Variants in ROS1 observed in about 807,000 individuals in gnomAD.
ROS1 encodes the protein ROS proto-oncogene 1, receptor tyrosine kinase.
In ROS1, 263 loss-of-function variants were observed where a neutral mutation model predicts 273.5. The ratio of observed to expected loss-of-function variants is 0.96; its 90% CI spans 0.87 to 1.06. ROS1 has a LOEUF of 1.06. ROS1 is among the 50% of genes least tolerant of loss of function. The pLI is 0.00. For synonymous variants in ROS1, 1,008 were observed against 954.1 expected, an observed-to-expected ratio of 1.06 and a Z score of -1.04; for missense variants, 2,833 against 2,751.1, an observed-to-expected ratio of 1.03 and a Z score of -0.67.
rs1189390282 is a variant in ROS1 at position 117,333,061 on chromosome 6, T to C, written c.5231-3615A>G. 2.0e-5 allele frequency among the ~76,000 whole-genome samples: 3 copies of C among 150,576 alleles called. No homozygotes were observed. In the East Asian group the frequency reaches 5.9e-4, roughly 29 times the overall value. On this transcript the variant is annotated intron_variant, in intron 32 of 43. Coordinates refer to ENST00000368507, the MANE Select transcript of ROS1 (RefSeq NM_001378902.1). ...AAAAAATCAACACATCCAGGAGCCG[T>C]TTTTTTTAAAAAATAAAATAAATAA...
At chr6:117,321,589 T>C (rs184944301) in intron 35 of ROS1, among the ~76,000 whole-genome samples, 195 bp from the exon 36 acceptor site, 1 of 152,282 alleles carries the variant, frequency 6.6e-6, no homozygotes, top group Admixed American at 6.5e-5. Flanking sequence ...CATATATAAG[T>C]ACACAAATCA....
intron 15 of ROS1, 62 bp from the exon 16 acceptor site, chr6:117,385,923 T>A: frequency 7.5e-7 from 1 of 1,325,816 alleles, no homozygotes; most frequent in Non-Finnish European, 1.1e-6. Context: ...ACATAATGAG[T>A]CAACAAATCA....
intron 43 of ROS1, among the ~76,000 whole-genome samples, chr6:117,294,339 G>T (rs1308320941): frequency 1.3e-5 from 2 of 152,102 alleles, no homozygotes; most frequent in East Asian, 1.9e-4. Flanking sequence ...AAATAAAAAG[G>T]CATCTCATAA....
At chr6:117,415,146 C>T (rs527770921) in intron 3 of ROS1, among the ~76,000 whole-genome samples, 6 of 152,328 alleles carry the variant, frequency 3.9e-5, no homozygotes, top group African/African-American at 1.2e-4. Flanking sequence ...CACAACTAGA[C>T]AAATTATTTG....
At chr6:117,329,517 C>T (rs2128593886) in intron 32 of ROS1, 71 bp from the exon 33 acceptor site, 3 of 770,630 alleles carry the variant, frequency 3.9e-6, no homozygotes, top group Non-Finnish European at 6.6e-6. Flanking sequence ...AATCTTTCTA[C>T]AGAATATATT....
chr6:117,342,547 G>A lies in ROS1; in HGVS notation c.4507-3C>T, dbSNP rs1460680820. On this transcript the variant is annotated splice_polypyrimidine_tract_variant and splice_region_variant and intron_variant, in intron 28 of 43. Coordinates refer to ENST00000368507, the MANE Select transcript of ROS1 (RefSeq NM_001378902.1). ...AGAGCTATACTGTCCTGAAATTCCTGTAATTGATTTTTTAAAAATCAACAT... is the reference window on the plus strand; with the variant it reads ...AGAGCTATACTGTCCTGAAATTCCTATAATTGATTTTTTAAAAATCAACAT... 1 of 1,455,574 alleles carries A rather than the reference G, an allele frequency of 6.9e-7. No individual in the cohort carries two copies. Among genetic ancestry groups the A allele is most frequent in the East Asian group, 2.5e-5 (1 of 39,940 alleles). 90.2% of individuals were successfully genotyped at this position (1,455,574 alleles called of 1,614,324 possible).
At chr6:117,399,036 GGGTT>G (rs1773737135) in intron 7 of ROS1, among the ~76,000 whole-genome samples, 1 of 150,928 alleles carries the variant, frequency 6.6e-6, no homozygotes, top group African/African-American at 2.4e-5. Flanking sequence ...AAAGAGAATA[GGGTT>G]ATGAGGCAAT....
chr6:117,415,079 GAC>G (rs1338560946), intron 3 of ROS1, among the ~76,000 whole-genome samples: 1 of 152,184 alleles, frequency 6.6e-6, no homozygotes, highest in African/African-American at 2.4e-5. Flanking sequence ...ATCTAAAAAA[GAC>G]AGACAGCATC....
chr6:117,361,341 GTAT>G (rs1194836626), intron 22 of ROS1, among the ~76,000 whole-genome samples: 1 of 151,012 alleles, frequency 6.6e-6, no homozygotes, highest in African/African-American at 2.4e-5. Context: ...ACAAAACATT[GTAT>G]TATTTTTATT....
intron 14 of ROS1, among the ~76,000 whole-genome samples, chr6:117,387,453 C>T (rs1772675660): frequency 6.6e-6 from 1 of 152,116 alleles, no homozygotes; most frequent in African/African-American, 2.4e-5. Flanking sequence ...CAGCAAGACC[C>T]TCAGAGTTCA....
chr6:117,304,044 T>C (rs1459351623), intron 42 of ROS1, among the ~76,000 whole-genome samples: 1 of 152,174 alleles, frequency 6.6e-6, no homozygotes, highest in African/African-American at 2.4e-5. Flanking sequence ...AAAACCAATA[T>C]TGGACTGTTT....
intron 40 of ROS1, 33 bp from the exon 41 acceptor site, chr6:117,310,314 A>C: frequency 7.0e-7 from 1 of 1,435,796 alleles, no homozygotes; most frequent in African/African-American, 1.5e-5. Flanking sequence ...TAATAATAAT[A>C]ATAACAACAA....
intron 43 of ROS1, among the ~76,000 whole-genome samples, chr6:117,300,465 C>T (rs1311465992): frequency 6.6e-6 from 1 of 151,772 alleles, no homozygotes; most frequent in East Asian, 1.9e-4. Flanking sequence ...ACACATTTTG[C>T]AGGAAAACAT....
chr6:117,296,101 G>A (rs1229350540), intron 43 of ROS1, among the ~76,000 whole-genome samples: 2 of 152,074 alleles, frequency 1.3e-5, no homozygotes, highest in Non-Finnish European at 2.9e-5. Flanking sequence ...GTGTCCATCT[G>A]TAGATAAATG....
intron 36 of ROS1, 122 bp from the exon 37 acceptor site, chr6:117,320,152 G>A (rs2128559605): frequency 2.4e-6 from 2 of 820,550 alleles, no homozygotes; most frequent in East Asian, 2.7e-5. Context: ...GCAGTATTGT[G>A]TGTTTTATGT....
chr6:117,364,085 C>G (rs1780016429), intron 21 of ROS1, among the ~76,000 whole-genome samples: 1 of 152,112 alleles, frequency 6.6e-6, no homozygotes, highest in African/African-American at 2.4e-5. Flanking sequence ...GCAGTCAAGT[C>G]CATTTCCACA....
At chr6:117,356,150 T>C (rs896107965) in intron 26 of ROS1, among the ~76,000 whole-genome samples, 1 of 152,194 alleles carries the variant, frequency 6.6e-6, no homozygotes, top group African/African-American at 2.4e-5. Context: ...GTGGAATCTA[T>C]GGGATCATCA....
intron 18 of ROS1, among the ~76,000 whole-genome samples, chr6:117,371,026 G>A (rs576791613): frequency 6.6e-6 from 1 of 152,296 alleles, no homozygotes; most frequent in Non-Finnish European, 1.5e-5. Flanking sequence ...TTACAAGAAA[G>A]GCACTTTAAA....
intron 18 of ROS1, among the ~76,000 whole-genome samples, chr6:117,371,858 T>A (rs755604313): frequency 2.5e-4 from 38 of 151,698 alleles, no homozygotes; most frequent in Non-Finnish European, 4.7e-4. Flanking sequence ...CCTGGGAACA[T>A]AACTCCATCA....
Sources: gnomAD v4.1 joint callset for allele counts (sites outside exome capture counted in the v4.1 genomes callset) on GRCh38, gnomAD v4.1.1 for gene constraint, MANE v1.5 for transcripts, NCBI Gene and HGNC (gene_info 2026-07-23, HGNC 2026-07-21) for gene names.